RNF212B: variants seen among roughly 807,000 people sequenced by gnomAD.
The protein encoded by RNF212B is E3 ubiquitin-protein ligase RNF212B.
RNF212B carries 52 observed loss-of-function variants against 55.5 expected under a neutral mutation model. The observed-to-expected ratio is 0.94, with a 90% CI of 0.75 to 1.18. RNF212B has a LOEUF of 1.18. Ranked by LOEUF, RNF212B falls within the 50% of genes most tolerant of loss-of-function variation. The pLI is 0.00. For synonymous variants in RNF212B, 99 were observed against 121.4 expected, an observed-to-expected ratio of 0.82 and a Z score of 1.21; for missense variants, 289 against 350.4, an observed-to-expected ratio of 0.82 and a Z score of 1.40.
chr14:23,258,522 T>C lies in RNF212B; in HGVS notation c.229-27T>C, dbSNP rs1034944153. On this transcript the variant is annotated intron_variant, in intron 4 of 14. Transcript: ENST00000430154. ...AAGGGAAAGGAGTTATGGGAGAGTATGTCAAAGGCTTGTTTTTCCCTAGTA... is the reference window on the plus strand; with the variant it reads ...AAGGGAAAGGAGTTATGGGAGAGTACGTCAAAGGCTTGTTTTTCCCTAGTA... 6 of 1,145,058 alleles carry C rather than the reference T, an allele frequency of 5.2e-6. No individual in the cohort carries two copies. The East Asian group carries it at 1.3e-4, about 25-fold the overall frequency. The allele number at this position is 1,145,058 out of a possible 1,614,324, so 70.9% of individuals were successfully genotyped here.
At chr14:23,207,350 A>T (rs1401100357) in intron 2 of RNF212B, among the ~76,000 whole-genome samples, 1 of 152,192 alleles carries the variant, frequency 6.6e-6, no homozygotes, top group African/African-American at 2.4e-5. Context: ...CAGGAAAAAA[A>T]ACCTCATCTT....
chr14:23,254,033 CT>C (rs1268726486), intron 4 of RNF212B, among the ~76,000 whole-genome samples: 2 of 152,100 alleles, frequency 1.3e-5, no homozygotes, highest in Non-Finnish European at 2.9e-5. Context: ...AATCCCAACA[CT>C]TTGGGAGGCC....
intron 2 of RNF212B, among the ~76,000 whole-genome samples, chr14:23,230,520 G>A (rs1882503956): frequency 1.3e-5 from 2 of 151,942 alleles, no homozygotes; most frequent in South Asian, 4.1e-4. Context: ...CGGGTGTGGT[G>A]GCGGGGGCCT....
At chr14:23,240,286 A>G in intron 1 of RNF212B, 59 bp from the exon 2 acceptor site, 1 of 1,154,856 alleles carries the variant, frequency 8.7e-7, no homozygotes, top group Non-Finnish European at 1.3e-6. Flanking sequence ...AGATTTTGGA[A>G]CAGCTATAAT....
chr14:23,224,565 C>T (rs1025097517), intron 2 of RNF212B, among the ~76,000 whole-genome samples: 4 of 147,432 alleles, frequency 2.7e-5, no homozygotes, highest in East Asian at 2.0e-4. Context: ...AAGAATGAAA[C>T]GAAACCCCTA....
At chr14:23,253,185 AC>A (rs1884542092) in intron 4 of RNF212B, among the ~76,000 whole-genome samples, 1 of 152,216 alleles carries the variant, frequency 6.6e-6, no homozygotes, top group South Asian at 2.1e-4. Context: ...AAATATAACC[AC>A]ATCATGCTAA....
upstream of RNF212B, among the ~76,000 whole-genome samples, chr14:23,236,886 C>A (rs1006011894): frequency 6.7e-6 from 1 of 149,900 alleles, no homozygotes; most frequent in Admixed American, 6.7e-5. Flanking sequence ...CCGTGAAAAT[C>A]TGGAAAATGT....
chr14:23,260,808 C>T (rs7149680), intron 7 of RNF212B, 121 bp downstream of exon 7: 49,324 of 894,390 alleles, frequency 0.055, 1,686 homozygotes, highest in Middle Eastern at 0.11. Context: ...TTCACTTCTC[C>T]GAGGAAGAGT....
At chr14:23,191,743 A>G (rs1410816955) in intron 1 of RNF212B, among the ~76,000 whole-genome samples, 1 of 152,166 alleles carries the variant, frequency 6.6e-6, no homozygotes, top group African/African-American at 2.4e-5. Flanking sequence ...GTATATGTTT[A>G]AATTTTTCTG....
chr14:23,259,055 G>A (rs1049093288), intron 5 of RNF212B, among the ~76,000 whole-genome samples: 16 of 151,766 alleles, frequency 1.1e-4, no homozygotes, highest in South Asian at 2.1e-4. Context: ...AGCCAGACAT[G>A]GTGGTTCACA....
intron 2 of RNF212B, among the ~76,000 whole-genome samples, chr14:23,212,774 G>C (rs925613695): frequency 6.6e-6 from 1 of 151,750 alleles, no homozygotes; most frequent in African/African-American, 2.4e-5. Flanking sequence ...CCAAAGTGCT[G>C]GGATTACAGG....
At chr14:23,260,532 C>T in intron 6 of RNF212B, 127 bp from the exon 7 acceptor site, 1 of 798,352 alleles carries the variant, frequency 1.3e-6, no homozygotes, top group East Asian at 2.7e-5. Context: ...ACTTTTCCTC[C>T]TACTGGGAGT....
At chr14:23,261,215 TA>T in intron 7 of RNF212B, 2 of 309,080 alleles carry the variant, frequency 6.5e-6, no homozygotes, top group South Asian at 2.8e-5. Flanking sequence ...CTGAGAAAGG[TA>T]AAAACACCTT....
rs997218200 is a variant in RNF212B, at chr14:23,272,604, T to C, written c.835-219T>C. Reference sequence around the variant, plus strand: ...TTAATTTTCAAATATTCATCCTTATTATTATCACCATAAGCTACTGAAATG... The same window carrying C: ...TTAATTTTCAAATATTCATCCTTATCATTATCACCATAAGCTACTGAAATG... On this transcript the variant is annotated intron_variant, in intron 14 of 14. Coordinates refer to ENST00000430154, the MANE Select transcript of RNF212B (RefSeq NM_001282322.3). 20 of 560,040 alleles carry C rather than the reference T, an allele frequency of 3.6e-5. No individual in the cohort carries two copies. In the African/African-American group the frequency reaches 3.9e-4, roughly 11 times the overall value. The allele number at this position is 560,040 out of a possible 1,614,324, so 34.7% of individuals were successfully genotyped here. A position where few individuals can be genotyped will look rare whatever the true frequency, so the allele number is the denominator to read the frequency against.
intron 2 of RNF212B, among the ~76,000 whole-genome samples, chr14:23,198,545 G>A (rs528795089): frequency 1.2e-3 from 187 of 152,072 alleles, no homozygotes; most frequent in Admixed American, 4.2e-3. Context: ...GCGTGGTGGC[G>A]GGTACCTGTA....
rs7342547 is a variant in RNF212B at position 23,231,786 on chromosome 14, C to G, written c.-1-8559C>G. ...TGCCCAGTGCCTGCGATTGCAGGCACGCGCCGCCACGCCTGACTGGTTTTT... is the reference window on the plus strand; with the variant it reads ...TGCCCAGTGCCTGCGATTGCAGGCAGGCGCCGCCACGCCTGACTGGTTTTT... On this transcript the variant is annotated intron_variant, in intron 2 of 15. Transcript: ENST00000399910. Among the ~76,000 whole-genome samples the G allele has an allele frequency of 3.4e-3, 521 of 152,218 alleles. 1 individual carries two copies. Among genetic ancestry groups the G allele is most frequent in the Non-Finnish European group, 6.3e-3 (430 of 67,958 alleles).
intron 2 of RNF212B, among the ~76,000 whole-genome samples, chr14:23,242,715 A>G (rs941013189): frequency 6.6e-6 from 1 of 152,166 alleles, no homozygotes; most frequent in Non-Finnish European, 1.5e-5. Flanking sequence ...GCTCATGCTT[A>G]TAAACTCACC....
At chr14:23,229,208 C>T (rs888181302) in intron 2 of RNF212B, among the ~76,000 whole-genome samples, 3 of 108,596 alleles carry the variant, frequency 2.8e-5, no homozygotes, top group Non-Finnish European at 1.9e-5. Flanking sequence ...TCCTTTATGG[C>T]TGAATAATAT....
intron 1 of RNF212B, chr14:23,193,197 T>G (rs1345704848): frequency 6.6e-6 from 1 of 151,532 alleles, no homozygotes; most frequent in Admixed American, 6.6e-5. Flanking sequence ...TCTTCAAAAT[T>G]GAGAAGGAAT....
Sources: allele counts gnomAD v4.1 joint callset (sites outside exome capture counted in the v4.1 genomes callset), GRCh38; gene constraint gnomAD v4.1.1; transcripts MANE v1.5; gene names NCBI Gene and HGNC (gene_info 2026-07-23, HGNC 2026-07-21).